ONECUT3: variants seen among roughly 807,000 people sequenced by gnomAD.
The protein encoded by ONECUT3 is one cut homeobox 3.
ONECUT3 carries 11 observed loss-of-function variants against 16.8 expected under a neutral mutation model. The observed-to-expected ratio is 0.66, with a 90% CI of 0.41 to 1.09. The LOEUF is 1.09. Ranked by LOEUF, ONECUT3 falls within the 50% of genes least tolerant of loss-of-function variation. The pLI, the probability that ONECUT3 is intolerant of heterozygous loss-of-function variation, is 0.00. For missense variants in ONECUT3, 637 were observed against 629.9 expected (o/e 1.01, Z -0.12); for synonymous variants, 344 against 310.7 (o/e 1.11, Z -1.13).
At chr19:1,761,070 G>C (rs1159792594) in intron 1 of ONECUT3, among the ~76,000 whole-genome samples, 1 of 88,074 alleles carries the variant, frequency 1.1e-5, no homozygotes, top group African/African-American at 4.6e-5. Flanking sequence ...TTTTTTTTTG[G>C]AGATGGAGTT....
At chr19:1,772,686 CTTTTTTTTTTT>C (rs201848533) in intron 1 of ONECUT3, among the ~76,000 whole-genome samples, 16,316 of 65,584 alleles carry the variant, frequency 0.25, 1,400 homozygotes, top group Middle Eastern at 0.43. Context: ...CTGCTTTACT[CTTTTTTTTTTT>C]TTTTTTTTTT....
At position 1,758,327 on chromosome 19, in the gene ONECUT3, G is replaced by GAGAC. The variant is rs1260871254; in HGVS notation, c.1192+3476_1192+3477insCAGA. Among the ~76,000 whole-genome samples, 1 of 149,306 alleles carries GAGAC rather than the reference G, an allele frequency of 6.7e-6. No homozygotes were observed. Among genetic ancestry groups the GAGAC allele is most frequent in the Non-Finnish European group, 1.5e-5 (1 of 67,468 alleles). On this transcript the variant is annotated intron_variant, in intron 1 of 1. Coordinates refer to ENST00000382349, the MANE Select transcript of ONECUT3 (RefSeq NM_001080488.2). The surrounding 1 kb of genome is among the most constrained non-coding windows in gnomAD (Gnocchi z 5.9). The stretch of plus-strand genomic sequence containing the variant: ...AAAAAAAAAAAAAAAGAGAGAGAGA[G>GAGAC]AGAGAGAGACAGAGATGGGAGAGGA...
rs546878802 is a variant in ONECUT3 at position 1,777,511 on chromosome 19, T to C, written c.*2066T>C. 32 of 152,222 alleles carry C rather than the reference T, an allele frequency of 2.1e-4. No individual in the cohort carries two copies. Among genetic ancestry groups the C allele is most frequent in the African/African-American group, 7.7e-4 (32 of 41,528 alleles). The allele number at this position is 152,222 out of a possible 1,614,324, so 9.4% of individuals were successfully genotyped here. A position where few individuals can be genotyped will look rare whatever the true frequency, so the allele number is the denominator to read the frequency against. The stretch of plus-strand genomic sequence containing the variant: ...ACACACACTGGCCCCTGTTTTTCTG[T>C]GGTGTCACTGGGTGCCAGCAACTCG... On this transcript the variant is annotated 3_prime_UTR_variant, in exon 2 of 2. Coordinates refer to ENST00000382349, the MANE Select transcript of ONECUT3 (RefSeq NM_001080488.2).
chr19:1,755,987 G>T lies in ONECUT3; in HGVS notation c.1192+1133G>T, dbSNP rs1233720346. Among the ~76,000 whole-genome samples the T allele has an allele frequency of 5.9e-5, 9 of 152,190 alleles. No homozygotes were observed. Among genetic ancestry groups the T allele is most frequent in the Admixed American group, 5.9e-4 (9 of 15,290 alleles). On this transcript the variant is annotated intron_variant, in intron 1 of 1. Coordinates refer to ENST00000382349, the MANE Select transcript of ONECUT3 (RefSeq NM_001080488.2). The surrounding 1 kb of genome is among the most constrained non-coding windows in gnomAD (Gnocchi z 7.5). ...GGGCCACAGGGACAATAGCCGCGGC[G>T]GCTGGCGCCTGATCGATCGCTTCTC... is the stretch of plus-strand genomic sequence containing the variant.
intron 1 of ONECUT3, among the ~76,000 whole-genome samples, chr19:1,765,800 G>A (rs557927609): frequency 6.6e-5 from 10 of 152,302 alleles, no homozygotes; most frequent in East Asian, 3.9e-4. Flanking sequence ...GCCCACCCGC[G>A]TCCCCATGGC....
rs975293780 is a variant in ONECUT3 at position 1,780,100 on chromosome 19, G to T, written c.*4655G>T. ...TGTCTTGTTGCCCAGGGTGGTGGGG[G>T]ACGGGAGTGTGCCCCAACTTCCTGA... is the stretch of plus-strand genomic sequence containing the variant. On this transcript the variant is annotated 3_prime_UTR_variant, in exon 2 of 2. Coordinates refer to ENST00000382349, the MANE Select transcript of ONECUT3 (RefSeq NM_001080488.2). The T allele has an allele frequency of 1.3e-5, 2 of 152,180 alleles. No individual in the cohort carries two copies. The highest frequency in any genetic ancestry group is 2.4e-5 in the African/African-American group (1 of 41,400). 9.4% of individuals were successfully genotyped at this position (152,180 alleles called of 1,614,324 possible). A position where few individuals can be genotyped will look rare whatever the true frequency, so the allele number is the denominator to read the frequency against.
Position 1,753,590 on chromosome 19 carries a change from C to T in ONECUT3, c.-73C>T, listed in dbSNP as rs112596908. ...TCGCGCGCAGCCACCGGGGAGCGGG[C>T]GGGAGTCATGCAGCGGCCTTGAGCA... On this transcript the variant is annotated 5_prime_UTR_variant, in exon 1 of 2. Transcript: ENST00000382349. The T allele has an allele frequency of 0.34, 161,415 of 478,024 alleles. 28,643 individuals carry two copies. Among genetic ancestry groups the T allele is most frequent in the South Asian group, 0.43 (5,017 of 11,584 alleles). 29.6% of individuals were successfully genotyped at this position (478,024 alleles called of 1,614,324 possible). A position where few individuals can be genotyped will look rare whatever the true frequency, so the allele number is the denominator to read the frequency against.
Position 1,754,970 on chromosome 19 carries a change from C to T in ONECUT3, c.1192+116C>T. ...GCGCCCCAAGCCCCGCCCGTGCGCC[C>T]CGGCAGCCCGGGACCCCCTATCAGG... On this transcript the variant is annotated intron_variant, in intron 1 of 1. Transcript: ENST00000382349. This position sits in a 1 kb window ranked among gnomAD's most constrained non-coding sequence, Gnocchi z 7.4. The T allele has an allele frequency of 1.6e-6, 2 of 1,236,134 alleles. No individual in the cohort carries two copies. Among genetic ancestry groups the T allele is most frequent in the Non-Finnish European group, 2.0e-6 (2 of 979,598 alleles). The allele number at this position is 1,236,134 out of a possible 1,614,324, so 76.6% of individuals were successfully genotyped here.
In ONECUT3 at chr19:1,766,818, C is replaced by G. The variant is rs1307352971; in HGVS notation, c.1193-8335C>G. ...GCAGGCTGGGCTGAGACCCCCCCCCCATGCTCCACCACCCTCGTGTAGGAC... is the reference window on the plus strand; with the variant it reads ...GCAGGCTGGGCTGAGACCCCCCCCCGATGCTCCACCACCCTCGTGTAGGAC... On this transcript the variant is annotated intron_variant, in intron 1 of 1. Transcript: ENST00000382349. The surrounding 1 kb of genome is among the most constrained non-coding windows in gnomAD (Gnocchi z 4.0). Among the ~76,000 whole-genome samples, 1 of 151,408 alleles carries G rather than the reference C, an allele frequency of 6.6e-6. No individual in the cohort carries two copies. Among genetic ancestry groups the G allele is most frequent in the Admixed American group, 6.6e-5 (1 of 15,266 alleles).
At position 1,755,444 on chromosome 19, in the gene ONECUT3, C is replaced by A. The variant is rs1388671379; in HGVS notation, c.1192+590C>A. ...TGTAGTTCGGCCCCGCGATCGATAC[C>A]CCCTCCCTCTCCCCTCCGGCCGCTG... On this transcript the variant is annotated intron_variant, in intron 1 of 1. Transcript: ENST00000382349. The surrounding 1 kb of genome is among the most constrained non-coding windows in gnomAD (Gnocchi z 7.5). 6.6e-6 allele frequency among the ~76,000 whole-genome samples: 1 copy of A among 152,060 alleles called. No individual in the cohort carries two copies. Among genetic ancestry groups the A allele is most frequent in the African/African-American group, 2.4e-5 (1 of 41,406 alleles).
rs2067933125 is a variant in ONECUT3, at chr19:1,759,149, CA to C, written c.1192+4296del. ...AACGAAGTGTCCTAGGGACAAAAAC[CA>C]GAGCTGTGTATGGAGTTGCATGCTG... On this transcript the variant is annotated intron_variant, in intron 1 of 1. Coordinates refer to ENST00000382349, the MANE Select transcript of ONECUT3 (RefSeq NM_001080488.2). This position sits in a 1 kb window ranked among gnomAD's most constrained non-coding sequence, Gnocchi z 4.1. 6.6e-6 allele frequency among the ~76,000 whole-genome samples: 1 copy of C among 152,096 alleles called. No homozygotes were observed. The highest frequency in any genetic ancestry group is 2.4e-5 in the African/African-American group (1 of 41,404).
chr19:1,775,792 A>C lies in ONECUT3; in HGVS notation c.*347A>C. On this transcript the variant is annotated 3_prime_UTR_variant, in exon 2 of 2. Transcript: ENST00000382349. Reference sequence around the variant, plus strand: ...CAGGGCTCACTGTGTTGTCCCCTAAAGCGGGTCAAGAAGCACATACTAGAA... The same window carrying C: ...CAGGGCTCACTGTGTTGTCCCCTAACGCGGGTCAAGAAGCACATACTAGAA... 5.1e-6 allele frequency: 1 copy of C among 196,468 alleles called. No homozygotes were observed. The highest frequency in any genetic ancestry group is 1.0e-5 in the Non-Finnish European group (1 of 98,040). The allele number at this position is 196,468 out of a possible 1,614,324, so 12.2% of individuals were successfully genotyped here.
intron 1 of ONECUT3, among the ~76,000 whole-genome samples, chr19:1,770,025 G>A (rs987149835): frequency 2.0e-5 from 3 of 152,098 alleles, no homozygotes; most frequent in African/African-American, 7.2e-5. Context: ...TATTGGGACT[G>A]GCTGGGCAAG....
In ONECUT3 at chr19:1,754,748, C is replaced by T. The variant is rs1332322020; in HGVS notation, c.1086C>T (p.Asn362=). ...SQGTLSDLLR[N]PKPWSKLKSG... ...GCACGCTCTCCGACCTGCTGCGCAA[C>T]CCCAAGCCGTGGAGCAAGCTCAAAT... The change falls in exon 1 of 2, where the codon AAC becomes AAT. Residue 362 remains asparagine (N), a synonymous_variant. Coordinates refer to ENST00000382349, the MANE Select transcript of ONECUT3 (RefSeq NM_001080488.2). The surrounding 1 kb of genome is among the most constrained non-coding windows in gnomAD (Gnocchi z 7.4). 2 of 1,566,680 alleles carry T rather than the reference C, an allele frequency of 1.3e-6. No individual in the cohort carries two copies. Among genetic ancestry groups the T allele is most frequent in the Admixed American group, 1.9e-5 (1 of 53,764 alleles).
In ONECUT3 at chr19:1,754,184, G is replaced by A. The variant is rs751694828; in HGVS notation, c.522G>A (p.Glu174=). The part of the protein sequence containing the change: ...VSGSFTLMRD[E]RAALASVGHL... ...GCAGCTTCACCCTCATGCGCGACGA[G>A]CGGGCGGCGCTCGCCTCCGTGGGCC... The change falls in exon 1 of 2, where the codon GAG becomes GAA. Residue 174 remains glutamate, a synonymous_variant. Transcript: ENST00000382349. This position sits in a 1 kb window ranked among gnomAD's most constrained non-coding sequence, Gnocchi z 7.4. The A allele has an allele frequency of 2.7e-4, 304 of 1,146,406 alleles. 4 individuals are homozygous for A. In the Middle Eastern group the frequency reaches 5.1e-3, roughly 19 times the overall value. The allele number at this position is 1,146,406 out of a possible 1,614,324, so 71.0% of individuals were successfully genotyped here. A position where few individuals can be genotyped will look rare whatever the true frequency, so the allele number is the denominator to read the frequency against.
chr19:1,763,837 CTA>C (rs969046883), intron 1 of ONECUT3, among the ~76,000 whole-genome samples: 63 of 151,972 alleles, frequency 4.1e-4, no homozygotes, highest in African/African-American at 1.5e-3. Context: ...TGCCGGCCGC[CTA>C]GTACTCTCTG....
At chr19:1,756,743 T>C (rs2067918327) in intron 1 of ONECUT3, among the ~76,000 whole-genome samples, 1 of 135,136 alleles carries the variant, frequency 7.4e-6, no homozygotes, top group Admixed American at 8.4e-5. Context: ...AGATGGAGTT[T>C]CACCATGTTG....
rs1037306161 is a variant in ONECUT3, at chr19:1,762,594, C to G, written c.1192+7740C>G. Among the ~76,000 whole-genome samples, 2 of 152,118 alleles carry G rather than the reference C, an allele frequency of 1.3e-5. No homozygotes were observed. Among genetic ancestry groups the G allele is most frequent in the African/African-American group, 2.4e-5 (1 of 41,414 alleles). On this transcript the variant is annotated intron_variant, in intron 1 of 1. Transcript: ENST00000382349. This position sits in a 1 kb window ranked among gnomAD's most constrained non-coding sequence, Gnocchi z 4.4. ...GTGGATCCCAGAGCGCGCCCGGCCC[C>G]CAACAGCCTGACAGGACCTGGACGC... is the stretch of plus-strand genomic sequence containing the variant.
chr19:1,778,803 T>G lies in ONECUT3; in HGVS notation c.*3358T>G, dbSNP rs1329985034. ...CCTGGGCAACACAGCAAGACCCCAC[T>G]TCTACAAAAAAAAATAAATAAAGTG... On this transcript the variant is annotated 3_prime_UTR_variant, in exon 2 of 2. Coordinates refer to ENST00000382349, the MANE Select transcript of ONECUT3 (RefSeq NM_001080488.2). The G allele has an allele frequency of 2.0e-5, 3 of 150,032 alleles. No homozygotes were observed. The highest frequency in any genetic ancestry group is 4.4e-5 in the Non-Finnish European group (3 of 67,954). The allele number at this position is 150,032 out of a possible 1,614,324, so 9.3% of individuals were successfully genotyped here. A position where few individuals can be genotyped will look rare whatever the true frequency, so the allele number is the denominator to read the frequency against.
Sources: gnomAD v4.1 joint callset for allele counts (sites outside exome capture counted in the v4.1 genomes callset) on GRCh38, gnomAD v4.1.1 for gene constraint, Gnocchi (gnomAD v3.1) non-coding constraint, MANE v1.5 for transcripts, NCBI Gene and HGNC (gene_info 2026-07-23, HGNC 2026-07-21) for gene names.